AKAP6: variants seen among roughly 807,000 people sequenced by gnomAD.
AKAP6 encodes A-kinase anchoring protein 6, also known as A-kinase anchor protein 6.
A neutral mutation model predicts 188.5 loss-of-function variants in AKAP6; 58 were observed. The ratio of observed to expected loss-of-function variants is 0.31; its 90% CI spans 0.25 to 0.38. AKAP6 has a LOEUF of 0.38. Among genes scored for constraint, AKAP6 ranks in the 10% least tolerant of loss-of-function variants. The probability of loss-of-function intolerance (pLI) is 1.00; values close to 1 mark genes in which losing one functional copy is unlikely to be tolerated. For missense variants in AKAP6, 2,710 were observed against 2,740.0 expected (o/e 0.99, Z 0.24); for synonymous variants, 989 against 998.6 (o/e 0.99, Z 0.18).
chr14:32,788,655 G>A (rs539227745), intron 12 of AKAP6, among the ~76,000 whole-genome samples: 94 of 148,254 alleles, frequency 6.3e-4, no homozygotes, highest in African/African-American at 2.2e-3. Flanking sequence ...CTTTGCAACC[G>A]GCGGATCAGG....
intron 2 of AKAP6, among the ~76,000 whole-genome samples, chr14:32,515,512 C>T (rs1881475821): frequency 1.3e-5 from 2 of 152,102 alleles, no homozygotes; most frequent in Admixed American, 6.5e-5. Flanking sequence ...GTAACTAAAG[C>T]TTGGGCTGTC....
chr14:32,643,896 A>G (rs1413481103), intron 7 of AKAP6, among the ~76,000 whole-genome samples: 1 of 152,204 alleles, frequency 6.6e-6, no homozygotes, highest in Non-Finnish European at 1.5e-5. Context: ...ATCTTCTGTT[A>G]GGATTCAATC....
At chr14:32,535,459 T>C in intron 2 of AKAP6, 95 bp from the exon 3 acceptor site, 3 of 1,401,428 alleles carry the variant, frequency 2.1e-6, no homozygotes, top group Non-Finnish European at 2.9e-6. Flanking sequence ...GCCCTGATAA[T>C]TGGTGTTAGG....
At chr14:32,362,831 T>A (rs895425601) in intron 1 of AKAP6, among the ~76,000 whole-genome samples, 1 of 151,986 alleles carries the variant, frequency 6.6e-6, no homozygotes, top group Admixed American at 6.6e-5. Context: ...GAAAGATCAG[T>A]CAGTGTGGGG....
chr14:32,569,387 T>C (rs1884359524), intron 4 of AKAP6, among the ~76,000 whole-genome samples: 1 of 152,218 alleles, frequency 6.6e-6, no homozygotes, highest in Non-Finnish European at 1.5e-5. Context: ...CAATCTTTGT[T>C]CTAAAAGCAT....
intron 2 of AKAP6, among the ~76,000 whole-genome samples, chr14:32,526,692 T>G (rs1208330749): frequency 1.3e-5 from 2 of 152,236 alleles, no homozygotes; most frequent in Non-Finnish European, 2.9e-5. Flanking sequence ...TTATAGTTAA[T>G]TCTTAATATG....
At chr14:32,638,032 A>G (rs1251107864) in intron 7 of AKAP6, among the ~76,000 whole-genome samples, 2 of 152,084 alleles carry the variant, frequency 1.3e-5, no homozygotes, top group Admixed American at 1.3e-4. Flanking sequence ...CAAAGGACAT[A>G]TTTTTAAATT....
intron 2 of AKAP6, among the ~76,000 whole-genome samples, chr14:32,455,908 T>C (rs1454486326): frequency 6.6e-6 from 1 of 152,160 alleles, no homozygotes; most frequent in Non-Finnish European, 1.5e-5. Context: ...CCTAGATAAA[T>C]GGGTTGGGGG....
intron 1 of AKAP6, among the ~76,000 whole-genome samples, chr14:32,332,970 T>A (rs896076945): frequency 2.0e-5 from 3 of 152,180 alleles, no homozygotes; most frequent in Admixed American, 6.6e-5. Flanking sequence ...TATTGGGCTC[T>A]AAGGGCTGTT....
intron 7 of AKAP6, among the ~76,000 whole-genome samples, chr14:32,623,014 T>A (rs981306405): frequency 6.6e-6 from 1 of 152,014 alleles, no homozygotes; most frequent in African/African-American, 2.4e-5. Context: ...GTAGGGTGTG[T>A]GAAAAATCAG....
chr14:32,701,068 A>G (rs566214533), intron 9 of AKAP6, among the ~76,000 whole-genome samples: 13 of 152,206 alleles, frequency 8.5e-5, no homozygotes, highest in Non-Finnish European at 1.3e-4. Flanking sequence ...ATATAAGTCC[A>G]AACATGTCCT....
rs892365843 is a variant in AKAP6 at position 32,833,493 on chromosome 14, G to A, written c.*3688G>A. On this transcript the variant is annotated 3_prime_UTR_variant, in exon 14 of 14. Coordinates refer to ENST00000280979, the MANE Select transcript of AKAP6 (RefSeq NM_004274.5). Reference sequence around the variant, plus strand: ...TTTAATTACAGAAAGAAAAATATTTGTTAGATTTCTGGTCACTGAATAAAT... The same window carrying A: ...TTTAATTACAGAAAGAAAAATATTTATTAGATTTCTGGTCACTGAATAAAT... 6.6e-6 allele frequency: 1 copy of A among 152,158 alleles called. No individual in the cohort carries two copies. The highest frequency in any genetic ancestry group is 2.4e-5 in the African/African-American group (1 of 41,436). The allele number at this position is 152,158 out of a possible 1,614,324, so 9.4% of individuals were successfully genotyped here.
At chr14:32,414,569 G>T (rs1889596069) in intron 1 of AKAP6, among the ~76,000 whole-genome samples, 1 of 152,168 alleles carries the variant, frequency 6.6e-6, no homozygotes, top group African/African-American at 2.4e-5. Context: ...CTCACCTTAT[G>T]AAATTTTACA....
chr14:32,555,489 AT>A (rs1649833358), intron 4 of AKAP6, among the ~76,000 whole-genome samples: 1 of 152,138 alleles, frequency 6.6e-6, no homozygotes, highest in Non-Finnish European at 1.5e-5. Context: ...TATCTTAACC[AT>A]TTTTTAAGTG....
chr14:32,797,124 A>G (rs1167203646), intron 12 of AKAP6, among the ~76,000 whole-genome samples: 1 of 152,224 alleles, frequency 6.6e-6, no homozygotes, highest in South Asian at 2.1e-4. Flanking sequence ...AAATAAAAAA[A>G]CAACAGATGC....
intron 3 of AKAP6, among the ~76,000 whole-genome samples, chr14:32,540,131 G>GCGCTCTCTCTCTCT (rs1306141242): frequency 1.5e-5 from 1 of 66,504 alleles, no homozygotes; most frequent in African/African-American, 8.6e-5. Flanking sequence ...TTGCTCGTGC[G>GCGCTCTCTCTCTCT]CTCTCTCTCT....
chr14:32,563,055 A>T lies in AKAP6; in HGVS notation c.2347-14065A>T, dbSNP rs183803581. 9.3e-4 allele frequency among the ~76,000 whole-genome samples: 141 copies of T among 152,286 alleles called. 1 individual carries two copies. The highest frequency in any genetic ancestry group is 3.4e-3 in the African/African-American group (140 of 41,550). ...AAACATGGCTGGGAAGAACTTCCAA[A>T]ACCACCTTGCTCATGGTACCAAAAG... On this transcript the variant is annotated intron_variant, in intron 4 of 13. Transcript: ENST00000280979.
chr14:32,405,659 T>C (rs1394575836), intron 1 of AKAP6, among the ~76,000 whole-genome samples: 4 of 151,126 alleles, frequency 2.6e-5, no homozygotes, highest in East Asian at 2.0e-4. Context: ...GTGGATGTAA[T>C]TGAATCATGG....
Position 32,791,009 on chromosome 14 carries a change from A to G in AKAP6, c.3588+17116A>G, listed in dbSNP as rs547956518. ...TATATGTGCCACATTTTATTTATCC[A>G]GTCTATCATTGGTGGGCATTTGGAT... On this transcript the variant is annotated intron_variant, in intron 12 of 13. Transcript: ENST00000280979. Among the ~76,000 whole-genome samples the G allele has an allele frequency of 9.9e-4, 150 of 152,242 alleles. 1 individual carries two copies. The Middle Eastern group carries it at 0.01, about 10-fold the overall frequency.
Sources: gnomAD v4.1 joint callset for allele counts (sites outside exome capture counted in the v4.1 genomes callset) on GRCh38, gnomAD v4.1.1 for gene constraint, MANE v1.5 for transcripts, NCBI Gene and HGNC (gene_info 2026-07-23, HGNC 2026-07-21) for gene names.